CCDC171: variants seen among roughly 807,000 people sequenced by gnomAD.
CCDC171 encodes the protein coiled-coil domain containing 171, also known as coiled-coil domain-containing protein 171.
In CCDC171, 177 loss-of-function variants were observed where a neutral mutation model predicts 168.2. That is an observed-to-expected ratio of 1.05 (90% CI 0.93 to 1.19). CCDC171 has a LOEUF of 1.19. CCDC171 is among the 50% of genes most tolerant of loss of function. CCDC171 has a pLI of 0.00. For missense variants in CCDC171, 1,991 were observed against 1,539.0 expected, an observed-to-expected ratio of 1.29 and a Z score of -4.91; for synonymous variants, 687 against 540.8, an observed-to-expected ratio of 1.27 and a Z score of -3.75.
At chr9:15,823,943 T>C (rs971869350) in intron 21 of CCDC171, among the ~76,000 whole-genome samples, 1 of 152,138 alleles carries the variant, frequency 6.6e-6, no homozygotes, top group African/African-American at 2.4e-5. Flanking sequence ...GACTTGAAAA[T>C]ATGCATTCTT....
At chr9:15,563,139 CTT>C (rs570575976) in intron 1 of CCDC171, among the ~76,000 whole-genome samples, 32 of 136,602 alleles carry the variant, frequency 2.3e-4, no homozygotes, top group Admixed American at 2.2e-4. Flanking sequence ...CAAGTTACTT[CTT>C]TTTTTTTTTT....
chr9:16,036,597 TC>T (rs1833474318), intron 8 of CCDC171, among the ~76,000 whole-genome samples: 1 of 152,150 alleles, frequency 6.6e-6, no homozygotes, highest in Non-Finnish European at 1.5e-5. Context: ...TGAGTGGAGA[TC>T]GCGCCACTGC....
At chr9:15,618,037 C>G (rs2044222438) in intron 6 of CCDC171, among the ~76,000 whole-genome samples, 1 of 152,164 alleles carries the variant, frequency 6.6e-6, no homozygotes, top group Non-Finnish European at 1.5e-5. Flanking sequence ...GTGCGCTGTG[C>G]TGGGAGAATC....
chr9:16,048,263 T>C (rs1347624193), intron 1 of CCDC171, among the ~76,000 whole-genome samples: 1 of 152,184 alleles, frequency 6.6e-6, no homozygotes, highest in African/African-American at 2.4e-5. Context: ...GGGAAACGTG[T>C]AGAGCTCTTA....
chr9:15,958,881 G>A (rs2132602956), intron 25 of CCDC171, among the ~76,000 whole-genome samples: 1 of 152,244 alleles, frequency 6.6e-6, no homozygotes, highest in South Asian at 2.1e-4. Flanking sequence ...CATGGTTTGT[G>A]GAATTAAACA....
chr9:15,591,378 A>G lies in CCDC171; in HGVS notation c.365A>G (p.Glu122Gly). ...IQEKLCAQNS[E>G]LQAKTNETEK... is the part of the protein sequence containing the mutation. ...CTATTCTTAATAGCACAGAATTCAG[A>G]ACTTCAAGCAAAGACAAATGAGACT... Residue 122 changes from glutamate to glycine, a missense_variant, in exon 5 of 26, where the codon GAA becomes GGA. Glu to Gly is a moderately conservative substitution (Grantham distance 98). Coordinates refer to ENST00000380701, the MANE Select transcript of CCDC171 (RefSeq NM_173550.4). 1 of 1,597,990 alleles carries G rather than the reference A, an allele frequency of 6.3e-7. No individual in the cohort carries two copies. The highest frequency in any genetic ancestry group is 8.5e-7 in the Non-Finnish European group (1 of 1,172,826).
chr9:15,895,138 C>G (rs1330148440), intron 24 of CCDC171, among the ~76,000 whole-genome samples: 1 of 152,062 alleles, frequency 6.6e-6, no homozygotes, highest in Non-Finnish European at 1.5e-5. Context: ...GAACTCTGAG[C>G]CTTGGGACCT....
intron 23 of CCDC171, among the ~76,000 whole-genome samples, chr9:15,870,972 C>G (rs183118982): frequency 2.0e-5 from 3 of 151,058 alleles, no homozygotes; most frequent in Admixed American, 2.0e-4. Context: ...AAATATATTT[C>G]ATGGAACTGT....
At chr9:15,776,609 A>G (rs1258012828) in intron 18 of CCDC171, among the ~76,000 whole-genome samples, 2 of 152,334 alleles carry the variant, frequency 1.3e-5, no homozygotes, top group Admixed American at 6.5e-5. Context: ...GAGGAATAAA[A>G]TAAGTAGAAT....
the CCDC171 span, among the ~76,000 whole-genome samples, chr9:16,080,501 G>A: frequency 2.0e-5 from 3 of 152,168 alleles, no homozygotes; most frequent in South Asian, 4.2e-4. Flanking sequence ...AGCTCAAAAG[G>A]CCATGCCTTA....
the CCDC171 span, among the ~76,000 whole-genome samples, chr9:16,088,020 C>T: frequency 6.6e-6 from 1 of 152,126 alleles, no homozygotes. Context: ...AAAGCTTATC[C>T]ACCACGATCA....
chr9:15,623,478 C>CACACACAT, intron 7 of CCDC171, 65 bp downstream of exon 7: 2 of 536,312 alleles, frequency 3.7e-6, no homozygotes, highest in South Asian at 4.2e-5. Context: ...CGCGCGCGCA[C>CACACACAT]ACACACACAC....
In CCDC171 at chr9:15,986,454, C is replaced by G. The variant is rs544607689; in HGVS notation, n.369-34135C>G. Among the ~76,000 whole-genome samples the G allele has an allele frequency of 2.0e-5, 3 of 152,356 alleles. No individual in the cohort carries two copies. In the East Asian group the frequency reaches 5.8e-4, roughly 29 times the overall value. On this transcript the variant is annotated intron_variant and non_coding_transcript_variant, in intron 3 of 9. Transcript: ENST00000486641. ...CCAGCTGATCCCCGAACTTACTTTA[C>G]TAATGCAGCGGGTGTAACAGCAACA...
At chr9:15,860,961 T>TGTGTGTGTGTGA (rs1472834545) in intron 23 of CCDC171, among the ~76,000 whole-genome samples, 1 of 151,558 alleles carries the variant, frequency 6.6e-6, no homozygotes, top group African/African-American at 2.4e-5. Flanking sequence ...TGTGTGTGTG[T>TGTGTGTGTGTGA]GATAATTGTT....
chr9:15,807,052 GT>G (rs2059114656), intron 21 of CCDC171, among the ~76,000 whole-genome samples: 1 of 152,122 alleles, frequency 6.6e-6, no homozygotes, highest in Admixed American at 6.6e-5. Flanking sequence ...CTTGTAGTGT[GT>G]TTTTCCCCTC....
At chr9:15,578,000 C>T (rs1037140595) in intron 3 of CCDC171, among the ~76,000 whole-genome samples, 6 of 152,142 alleles carry the variant, frequency 3.9e-5, no homozygotes, top group African/African-American at 1.2e-4. Context: ...ATCACAAATT[C>T]GATATTCGTT....
chr9:15,737,361 A>G (rs1029675185), intron 16 of CCDC171, among the ~76,000 whole-genome samples: 1 of 152,192 alleles, frequency 6.6e-6, no homozygotes, highest in East Asian at 1.9e-4. Context: ...TGCCAAAAGA[A>G]TGCTATACAT....
chr9:15,813,409 G>GT (rs1479207237), intron 21 of CCDC171, among the ~76,000 whole-genome samples: 1 of 152,134 alleles, frequency 6.6e-6, no homozygotes, highest in African/African-American at 2.4e-5. Context: ...GAATTTATGT[G>GT]ACCAAAACTC....
At chr9:16,091,383 A>G in the CCDC171 span, among the ~76,000 whole-genome samples, 9 of 152,362 alleles carry the variant, frequency 5.9e-5, no homozygotes, top group African/African-American at 1.9e-4. Flanking sequence ...GAGGTGGAGC[A>G]TGCCAGATGT....
Sources: gnomAD v4.1 joint callset for allele counts (sites outside exome capture counted in the v4.1 genomes callset) on GRCh38, gnomAD v4.1.1 for gene constraint, MANE v1.5 for transcripts, NCBI Gene and HGNC (gene_info 2026-07-23, HGNC 2026-07-21) for gene names.